The following CSMD2 variants were observed in gnomAD, a reference collection of about 807,000 sequenced individuals.
CSMD2 encodes CUB and sushi domain-containing protein 2.
In CSMD2, 130 loss-of-function variants were observed where a neutral mutation model predicts 398.5. That is an observed-to-expected ratio of 0.33 (90% CI 0.28 to 0.38). The LOEUF is 0.38. Ranked by LOEUF, CSMD2 falls within the 10% of genes least tolerant of loss-of-function variation. The pLI, the probability that CSMD2 is intolerant of heterozygous loss-of-function variation, is 1.00. For missense variants in CSMD2, 3,829 were observed against 4,764.9 expected, an observed-to-expected ratio of 0.80 and a Z score of 5.78; for synonymous variants, 1,828 against 1,908.5, an observed-to-expected ratio of 0.96 and a Z score of 1.10.
chr1:33,683,576 A>G (rs1644973519), intron 25 of CSMD2, among the ~76,000 whole-genome samples: 1 of 152,218 alleles, frequency 6.6e-6, no homozygotes. Flanking sequence ...TTAAACTGGC[A>G]GTCAAGTTGA....
intron 49 of CSMD2, among the ~76,000 whole-genome samples, chr1:33,573,718 G>C (rs1296505357): frequency 4.6e-5 from 7 of 152,124 alleles, no homozygotes; most frequent in African/African-American, 1.7e-4. Flanking sequence ...GCTCCAAAAA[G>C]AGAGAACACA....
intron 3 of CSMD2, among the ~76,000 whole-genome samples, chr1:34,019,180 G>A (rs12744904): frequency 2.1e-3 from 322 of 152,270 alleles, no homozygotes; most frequent in Non-Finnish European, 2.9e-3. Context: ...CCTGGTAAGA[G>A]CCCCAGCAAT....
chr1:34,153,412 A>G (rs1327403416), intron 1 of CSMD2, among the ~76,000 whole-genome samples: 1 of 152,254 alleles, frequency 6.6e-6, no homozygotes, highest in Non-Finnish European at 1.5e-5. Context: ...CTGAAAGATT[A>G]TCATATGGAT....
At chr1:34,105,478 C>T (rs1660441424) in intron 1 of CSMD2, among the ~76,000 whole-genome samples, 1 of 152,186 alleles carries the variant, frequency 6.6e-6, no homozygotes, top group Admixed American at 6.5e-5. Flanking sequence ...ACATAGGAAG[C>T]TAACCTTCTG....
intron 2 of CSMD2, among the ~76,000 whole-genome samples, chr1:34,055,437 T>C (rs935391924): frequency 6.6e-6 from 1 of 152,132 alleles, no homozygotes; most frequent in African/African-American, 2.4e-5. Flanking sequence ...CCACCGCAGA[T>C]GCCAATCACA....
chr1:33,571,178 CAGTAGACTATAA>C (rs1189018799), intron 51 of CSMD2, among the ~76,000 whole-genome samples: 1 of 152,148 alleles, frequency 6.6e-6, no homozygotes, highest in African/African-American at 2.4e-5. Flanking sequence ...TCTGCCTCTC[CAGTAGACTATAA>C]AGTCCTTGTG....
Position 33,772,636 on chromosome 1 carries a change from C to A in CSMD2, c.1779G>T (p.Leu593=), listed in dbSNP as rs913921707. ...GGCATGTGATTGCCTTCTGTCCCAC[C>A]AGCTCAAAGGCGGGCTGGCACTCAA... ...LKFECQPAFE[L]VGQKAITCQK... The change falls in exon 13 of 71, where the codon CTG becomes CTT. Residue 593 remains leucine, a synonymous_variant. Coordinates refer to ENST00000373381, the MANE Select transcript of CSMD2 (RefSeq NM_001281956.2). 5 of 1,614,166 alleles carry A rather than the reference C, an allele frequency of 3.1e-6. No homozygotes were observed. The African/African-American group carries it at 6.7e-5, about 22-fold the overall frequency.
rs150460396 is a variant in CSMD2, at chr1:33,995,699, G to T, written c.517+36895C>A. ...TGTTCAAATTCAGCTTCCAGCTACA[G>T]CAGAGCTATGAGAGTTTACCATATC... On this transcript the variant is annotated intron_variant, in intron 3 of 70. Coordinates refer to ENST00000373381, the MANE Select transcript of CSMD2 (RefSeq NM_001281956.2). 2.2e-4 allele frequency among the ~76,000 whole-genome samples: 33 copies of T among 152,322 alleles called. No individual in the cohort carries two copies. The East Asian group carries it at 3.5e-3, about 16-fold the overall frequency.
At chr1:33,864,617 T>C (rs1474430505) in intron 5 of CSMD2, 10 of 1,613,896 alleles carry the variant, frequency 6.2e-6, no homozygotes, top group Non-Finnish European at 8.5e-6. Context: ...AGCACCCTTA[T>C]GAGCAAAGAG....
At chr1:34,128,124 G>A (rs1459105242) in intron 1 of CSMD2, among the ~76,000 whole-genome samples, 1 of 127,112 alleles carries the variant, frequency 7.9e-6, no homozygotes, top group Non-Finnish European at 1.7e-5. Flanking sequence ...CCCAAGACCA[G>A]GGGTGTCCTT....
chr1:33,829,148 G>T (rs1659173051), intron 6 of CSMD2, among the ~76,000 whole-genome samples: 1 of 152,096 alleles, frequency 6.6e-6, no homozygotes, highest in Non-Finnish European at 1.5e-5. Context: ...GGAAATACAG[G>T]GGTCACAGCT....
intron 2 of CSMD2, among the ~76,000 whole-genome samples, chr1:34,063,298 C>T (rs1318426367): frequency 6.6e-6 from 1 of 152,238 alleles, no homozygotes; most frequent in East Asian, 1.9e-4. Context: ...TCAGCATTAA[C>T]ACGAAAGTCC....
At position 33,557,988 on chromosome 1, in the gene CSMD2, T is replaced by C. The variant is rs1301041618; in HGVS notation, c.8555-66A>G. 6 of 1,418,352 alleles carry C rather than the reference T, an allele frequency of 4.2e-6. No homozygotes were observed. The Admixed American group carries it at 1.2e-4, about 29-fold the overall frequency. The allele number at this position is 1,418,352 out of a possible 1,614,324, so 87.9% of individuals were successfully genotyped here. A position where few individuals can be genotyped will look rare whatever the true frequency, so the allele number is the denominator to read the frequency against. ...TATAGTAAAATCTTCCGAGCAAAACTAGGCAATGAAGCAGACCCTGTCGGG... is the reference window on the plus strand; with the variant it reads ...TATAGTAAAATCTTCCGAGCAAAACCAGGCAATGAAGCAGACCCTGTCGGG... On this transcript the variant is annotated intron_variant, in intron 54 of 70. Transcript: ENST00000373381.
intron 22 of CSMD2, among the ~76,000 whole-genome samples, chr1:33,704,194 G>A (rs1048896389): frequency 1.3e-5 from 2 of 152,140 alleles, no homozygotes; most frequent in Admixed American, 1.3e-4. Flanking sequence ...AGAAACACCA[G>A]AAGCTTTGTG....
intron 3 of CSMD2, among the ~76,000 whole-genome samples, chr1:34,001,858 C>T (rs1464855504): frequency 6.6e-6 from 1 of 152,070 alleles, no homozygotes; most frequent in African/African-American, 2.4e-5. Flanking sequence ...CATGCGCTAA[C>T]CTCCTCCTCT....
chr1:33,813,709 A>G (rs1426399132), intron 9 of CSMD2, among the ~76,000 whole-genome samples: 1 of 152,062 alleles, frequency 6.6e-6, no homozygotes, highest in Admixed American at 6.5e-5. Context: ...GTGCCAAAGA[A>G]GAGAACTGCT....
chr1:33,872,265 A>AT (rs1358083878), intron 5 of CSMD2, among the ~76,000 whole-genome samples: 2 of 152,114 alleles, frequency 1.3e-5, no homozygotes, highest in African/African-American at 4.8e-5. Context: ...GTGAGAAGAG[A>AT]GAAAAAAAAA....
intron 29 of CSMD2, among the ~76,000 whole-genome samples, chr1:33,644,374 CTGAAA>C (rs1476098255): frequency 1.3e-5 from 2 of 152,108 alleles, no homozygotes; most frequent in Non-Finnish European, 2.9e-5. Context: ...TCCAGGGAAG[CTGAAA>C]TGAAATCATC....
At chr1:33,798,537 A>G (rs74069187) in intron 10 of CSMD2, among the ~76,000 whole-genome samples, 21,638 of 152,172 alleles carry the variant, frequency 0.14, 2,042 homozygotes, top group African/African-American at 0.25. Context: ...AGCCCAGGCT[A>G]CACTGTGAGA....
Sources: gnomAD v4.1 joint callset for allele counts (sites outside exome capture counted in the v4.1 genomes callset) on GRCh38, gnomAD v4.1.1 for gene constraint, MANE v1.5 for transcripts, NCBI Gene and HGNC (gene_info 2026-07-23, HGNC 2026-07-21) for gene names.